QTMAN: variants seen among roughly 807,000 people sequenced by gnomAD.
The protein encoded by QTMAN is queuosine-tRNA mannosyltransferase.
chr2:144,154,012 C>T, the QTMAN span, among the ~76,000 whole-genome samples: 1 of 152,110 alleles, frequency 6.6e-6, no homozygotes, highest in African/African-American at 2.4e-5. Flanking sequence ...GGCCTAAAGC[C>T]TCTACTTTTT....
At chr2:144,172,475 T>G in the QTMAN span, among the ~76,000 whole-genome samples, 1 of 151,592 alleles carries the variant, frequency 6.6e-6, no homozygotes, top group African/African-American at 2.4e-5. Context: ...ACAAAAAAAA[T>G]TAGCAGGGCA....
the QTMAN span, among the ~76,000 whole-genome samples, chr2:144,040,227 A>T: frequency 1.3e-5 from 2 of 152,172 alleles, 1 homozygote; most frequent in South Asian, 4.1e-4. Context: ...GCATACATGA[A>T]TATGAGCGTG....
the QTMAN span, among the ~76,000 whole-genome samples, chr2:144,019,924 ATTTG>A: frequency 6.6e-6 from 1 of 152,202 alleles, no homozygotes; most frequent in East Asian, 1.9e-4. Context: ...AAATAATTGA[ATTTG>A]TTTGTTCATT....
the QTMAN span, among the ~76,000 whole-genome samples, chr2:144,025,635 C>T: frequency 6.6e-6 from 1 of 152,112 alleles, no homozygotes; most frequent in Non-Finnish European, 1.5e-5. Context: ...AGAAGTCACC[C>T]AGATACGGTC....
chr2:144,250,035 G>A, the QTMAN span, among the ~76,000 whole-genome samples: 1 of 152,084 alleles, frequency 6.6e-6, no homozygotes. Context: ...TCTCTCTGGG[G>A]TGACAGCAAT....
At chr2:143,975,814 C>G in the QTMAN span, among the ~76,000 whole-genome samples, 3 of 152,150 alleles carry the variant, frequency 2.0e-5, no homozygotes, top group African/African-American at 7.2e-5. Flanking sequence ...AAACATGCAG[C>G]AGACTTTGAG....
chr2:144,051,529 A>G, the QTMAN span, among the ~76,000 whole-genome samples: 1 of 152,158 alleles, frequency 6.6e-6, no homozygotes, highest in Non-Finnish European at 1.5e-5. Context: ...AACAACAATA[A>G]CAACAACAAC....
chr2:144,116,150 G>C, the QTMAN span, among the ~76,000 whole-genome samples: 1 of 151,932 alleles, frequency 6.6e-6, no homozygotes, highest in African/African-American at 2.4e-5. Context: ...TATGGTGTCA[G>C]CAATTTCTGC....
chr2:144,056,207 T>A, the QTMAN span, among the ~76,000 whole-genome samples: 1 of 152,238 alleles, frequency 6.6e-6, no homozygotes, highest in South Asian at 2.1e-4. Flanking sequence ...TGCCACATAT[T>A]TAGGTTTTTC....
chr2:144,084,472 T>C, the QTMAN span, among the ~76,000 whole-genome samples: 1 of 152,334 alleles, frequency 6.6e-6, no homozygotes, highest in Admixed American at 6.5e-5. Flanking sequence ...TGCATTATTT[T>C]ATAAAAATTT....
chr2:144,290,386 A>G, the QTMAN span, among the ~76,000 whole-genome samples: 1 of 152,144 alleles, frequency 6.6e-6, no homozygotes, highest in East Asian at 1.9e-4. Flanking sequence ...CCACCCTCCT[A>G]TCGAAACTTC....
At chr2:143,967,325 AGT>A in the QTMAN span, among the ~76,000 whole-genome samples, 2 of 151,982 alleles carry the variant, frequency 1.3e-5, no homozygotes, top group Non-Finnish European at 2.9e-5. Context: ...GGTATCACAT[AGT>A]ATATAATTTT....
chr2:144,077,236 A>G, the QTMAN span, among the ~76,000 whole-genome samples: 4 of 152,234 alleles, frequency 2.6e-5, no homozygotes, highest in Non-Finnish European at 4.4e-5. Context: ...TTTTCAACTG[A>G]AAAAATATAG....
the QTMAN span, among the ~76,000 whole-genome samples, chr2:144,292,540 C>T: frequency 1.3e-5 from 2 of 152,044 alleles, no homozygotes; most frequent in Admixed American, 6.6e-5. Flanking sequence ...GTGTTTTATC[C>T]ACTATATTAC....
chr2:144,280,688 G>A, the QTMAN span, among the ~76,000 whole-genome samples: 2 of 152,006 alleles, frequency 1.3e-5, no homozygotes, highest in Admixed American at 6.6e-5. Context: ...ACCAATAATG[G>A]TGTAAATGCA....
At chr2:143,951,939 C>A in the QTMAN span, 2 of 910,926 alleles carry the variant, frequency 2.2e-6, no homozygotes, top group East Asian at 4.9e-5. Flanking sequence ...CTTTGTACTT[C>A]AATATGGCAT....
the QTMAN span, chr2:143,943,271 T>C: frequency 3.3e-5 from 5 of 152,238 alleles, no homozygotes; most frequent in Admixed American, 2.0e-4. Context: ...GGAGCATTAG[T>C]TGTCTGTATC....
At chr2:144,039,568 T>C in the QTMAN span, among the ~76,000 whole-genome samples, 1 of 152,166 alleles carries the variant, frequency 6.6e-6, no homozygotes, top group Non-Finnish European at 1.5e-5. Context: ...CTTTATTTTG[T>C]TCAGTAATGG....
At chr2:144,101,941 GAA>G in the QTMAN span, among the ~76,000 whole-genome samples, 1 of 152,156 alleles carries the variant, frequency 6.6e-6, no homozygotes. Context: ...CTGAAAGAAG[GAA>G]AGTTTCTTGA....
Sources: allele counts gnomAD v4.1 joint callset (sites outside exome capture counted in the v4.1 genomes callset), GRCh38; gene constraint gnomAD v4.1.1; transcripts MANE v1.5; gene names NCBI Gene and HGNC (gene_info 2026-07-23, HGNC 2026-07-21).